The following CNTNAP4 variants were observed in gnomAD, a reference collection of about 807,000 sequenced individuals.
CNTNAP4 encodes contactin-associated protein-like 4.
A neutral mutation model predicts 148.4 loss-of-function variants in CNTNAP4; 98 were observed. That is an observed-to-expected ratio of 0.66 (90% CI 0.56 to 0.78). The LOEUF is 0.78. CNTNAP4 is among the 30% of genes least tolerant of loss of function. The pLI is 0.00. For missense variants in CNTNAP4, 1,935 were observed against 1,565.6 expected, an observed-to-expected ratio of 1.24 and a Z score of -3.98; for synonymous variants, 730 against 565.1, an observed-to-expected ratio of 1.29 and a Z score of -4.14.
chr16:76,286,501 GT>G (rs1424435140), intron 1 of CNTNAP4, among the ~76,000 whole-genome samples: 6 of 152,102 alleles, frequency 3.9e-5, no homozygotes, highest in African/African-American at 1.4e-4. Context: ...CTAGGACTCG[GT>G]GTAAAGACCT....
intron 3 of CNTNAP4, among the ~76,000 whole-genome samples, chr16:76,372,799 A>G (rs75474111): frequency 0.012 from 1,864 of 152,270 alleles, 31 homozygotes; most frequent in African/African-American, 0.038. Flanking sequence ...CTGGTTTCGA[A>G]TTATACCTTT....
chr16:76,333,604 C>T (rs1422122845), intron 2 of CNTNAP4, among the ~76,000 whole-genome samples: 1 of 152,080 alleles, frequency 6.6e-6, no homozygotes, highest in South Asian at 2.1e-4. Flanking sequence ...TCCTCAGGGG[C>T]AGTTTCTATT....
chr16:76,332,330 A>T (rs1184609108), intron 2 of CNTNAP4, among the ~76,000 whole-genome samples: 1 of 152,036 alleles, frequency 6.6e-6, no homozygotes. Flanking sequence ...GTGCAATTAT[A>T]ACTCACTGCA....
At chr16:76,425,162 A>T (rs1291859545) in intron 3 of CNTNAP4, among the ~76,000 whole-genome samples, 1 of 152,190 alleles carries the variant, frequency 6.6e-6, no homozygotes, top group Non-Finnish European at 1.5e-5. Flanking sequence ...GTTCTGGGAA[A>T]CACTAGTCTG....
At chr16:76,354,414 A>C (rs768955255) in intron 2 of CNTNAP4, among the ~76,000 whole-genome samples, 12 of 152,114 alleles carry the variant, frequency 7.9e-5, no homozygotes, top group Non-Finnish European at 1.6e-4. Flanking sequence ...CACAACTTGT[A>C]TTCTTTACTT....
intron 5 of CNTNAP4, 52 bp downstream of exon 5, chr16:76,448,267 A>G (rs1329491951): frequency 2.3e-6 from 3 of 1,298,620 alleles, no homozygotes; most frequent in Non-Finnish European, 3.3e-6. Context: ...GATATCACCT[A>G]AGTCACTTTA....
chr16:76,504,966 A>G (rs981559180), intron 15 of CNTNAP4, among the ~76,000 whole-genome samples: 2 of 152,176 alleles, frequency 1.3e-5, no homozygotes, highest in African/African-American at 2.4e-5. Flanking sequence ...CCAAAATATA[A>G]CAAGTGCTAG....
intron 3 of CNTNAP4, among the ~76,000 whole-genome samples, chr16:76,368,289 T>C (rs12935373): frequency 0.27 from 41,718 of 152,080 alleles, 6,275 homozygotes; most frequent in Non-Finnish European, 0.34. Flanking sequence ...AATATCCAAA[T>C]CTCTGCTTTT....
rs537141139 is a variant in CNTNAP4 at position 76,478,436 on chromosome 16, G to A, written c.1763-983G>A. The stretch of plus-strand genomic sequence containing the variant: ...AAACTGTCACACTGTGGAGAAGTGC[G>A]GAAGTAAATTTACATGATTACTTGA... On this transcript the variant is annotated intron_variant, in intron 11 of 23. Coordinates refer to ENST00000611870, the MANE Select transcript of CNTNAP4 (RefSeq NM_033401.5). Among the ~76,000 whole-genome samples, 48 of 152,236 alleles carry A rather than the reference G, an allele frequency of 3.2e-4. 1 individual carries two copies. The South Asian group carries it at 8.9e-3, about 28-fold the overall frequency.
intron 2 of CNTNAP4, among the ~76,000 whole-genome samples, chr16:76,323,402 A>G (rs1962634407): frequency 6.6e-6 from 1 of 152,172 alleles, no homozygotes; most frequent in African/African-American, 2.4e-5. Context: ...GTTCCAGATT[A>G]ATTTTATGAT....
At position 76,472,096 on chromosome 16, in the gene CNTNAP4, A is replaced by T. The variant is rs574112680; in HGVS notation, c.1656-3843A>T. ...TTCACAAGCAATGGAAAGGATGGCA[A>T]TGTCCAAGGAAAAGCTTTCGTGGCT... On this transcript the variant is annotated intron_variant, in intron 10 of 23. Transcript: ENST00000611870. Among the ~76,000 whole-genome samples, 5 of 149,942 alleles carry T rather than the reference A, an allele frequency of 3.3e-5. No homozygotes were observed. The East Asian group carries it at 5.8e-4, about 17-fold the overall frequency.
intron 15 of CNTNAP4, among the ~76,000 whole-genome samples, chr16:76,512,616 T>A (rs1446039717): frequency 1.3e-5 from 2 of 152,120 alleles, no homozygotes; most frequent in East Asian, 1.9e-4. Context: ...GGTTGAGATG[T>A]CATTAAACAT....
At chr16:76,348,356 A>C (rs1038926435) in intron 2 of CNTNAP4, among the ~76,000 whole-genome samples, 7 of 152,042 alleles carry the variant, frequency 4.6e-5, no homozygotes, top group African/African-American at 1.7e-4. Context: ...TCAGGGAAGG[A>C]GTGTAGGCAG....
intron 2 of CNTNAP4, among the ~76,000 whole-genome samples, chr16:76,329,001 C>G (rs1447157937): frequency 2.0e-5 from 3 of 152,138 alleles, no homozygotes; most frequent in Non-Finnish European, 4.4e-5. Flanking sequence ...CTGTAATATT[C>G]TTGCAACTTT....
intron 3 of CNTNAP4, among the ~76,000 whole-genome samples, chr16:76,365,636 CA>C (rs1182949768): frequency 1.3e-5 from 2 of 151,070 alleles, no homozygotes; most frequent in African/African-American, 4.9e-5. Flanking sequence ...CCTGTAATCC[CA>C]GCTACTTGCG....
At chr16:76,440,209 A>G (rs1402531312) in intron 4 of CNTNAP4, among the ~76,000 whole-genome samples, 3 of 152,064 alleles carry the variant, frequency 2.0e-5, no homozygotes, top group Admixed American at 1.3e-4. Flanking sequence ...TTCTAGTTCT[A>G]TTTACATTTT....
At chr16:76,367,020 A>G (rs2014221307) in intron 3 of CNTNAP4, among the ~76,000 whole-genome samples, 1 of 151,922 alleles carries the variant, frequency 6.6e-6, no homozygotes, top group African/African-American at 2.4e-5. Context: ...CAATAATGGT[A>G]AGGAGAATTT....
At chr16:76,423,507 A>T (rs1346625615) in intron 3 of CNTNAP4, among the ~76,000 whole-genome samples, 2 of 152,218 alleles carry the variant, frequency 1.3e-5, no homozygotes, top group Non-Finnish European at 1.5e-5. Context: ...TATTTTTGAA[A>T]AAAGATAAAG....
At chr16:76,321,098 A>G (rs150140450) in intron 2 of CNTNAP4, among the ~76,000 whole-genome samples, 76 of 152,272 alleles carry the variant, frequency 5.0e-4, no homozygotes, top group Middle Eastern at 6.8e-3. Flanking sequence ...ATATTTGTCT[A>G]TATTTTTCCA....
Sources: allele counts gnomAD v4.1 joint callset (sites outside exome capture counted in the v4.1 genomes callset), GRCh38; gene constraint gnomAD v4.1.1; transcripts MANE v1.5; gene names NCBI Gene and HGNC (gene_info 2026-07-23, HGNC 2026-07-21).